The following PCLO variants were observed in gnomAD, a reference collection of about 807,000 sequenced individuals.
PCLO encodes the protein protein piccolo.
Under a neutral mutation model 427.5 loss-of-function variants are expected in PCLO, and 82 were observed. That is an observed-to-expected ratio of 0.19 (90% CI 0.16 to 0.23). The LOEUF is 0.23. PCLO is among the 10% of genes least tolerant of loss of function. PCLO has a pLI of 1.00. For missense variants in PCLO, 6,239 were observed against 6,115.9 expected, an observed-to-expected ratio of 1.02 and a Z score of -0.67; for synonymous variants, 2,357 against 2,155.4, an observed-to-expected ratio of 1.09 and a Z score of -2.59.
At chr7:83,082,978 A>AT (rs1317490253) in intron 3 of PCLO, among the ~76,000 whole-genome samples, 5 of 151,972 alleles carry the variant, frequency 3.3e-5, no homozygotes, top group African/African-American at 1.2e-4. Flanking sequence ...AGATTGATGC[A>AT]TTTTGTGTAT....
chr7:83,062,398 C>CTAA (rs1789563451), intron 3 of PCLO, among the ~76,000 whole-genome samples: 1 of 152,088 alleles, frequency 6.6e-6, no homozygotes, highest in Non-Finnish European at 1.5e-5. Flanking sequence ...AGGGAAGGAG[C>CTAA]TAATCATTTG....
At chr7:82,875,367 T>C (rs1793344018) in intron 10 of PCLO, among the ~76,000 whole-genome samples, 1 of 152,118 alleles carries the variant, frequency 6.6e-6, no homozygotes, top group East Asian at 1.9e-4. Context: ...TAATTATTCC[T>C]AATTCTCTAA....
chr7:82,819,536 AAGGTGAG>A (rs1186964543), intron 20 of PCLO, among the ~76,000 whole-genome samples: 1 of 152,160 alleles, frequency 6.6e-6, no homozygotes, highest in African/African-American at 2.4e-5. Context: ...GATGGAAGAA[AAGGTGAG>A]AGGTGGAATT....
chr7:82,912,878 C>T (rs1215562902), intron 7 of PCLO, among the ~76,000 whole-genome samples: 1 of 152,000 alleles, frequency 6.6e-6, no homozygotes, highest in Admixed American at 6.6e-5. Flanking sequence ...GATATATGCT[C>T]ATGATGTACA....
chr7:82,766,135 T>C (rs112941225), intron 22 of PCLO, among the ~76,000 whole-genome samples: 13 of 152,158 alleles, frequency 8.5e-5, no homozygotes, highest in African/African-American at 3.1e-4. Flanking sequence ...CTTAGGGAAG[T>C]AGATGAACAA....
intron 3 of PCLO, among the ~76,000 whole-genome samples, chr7:82,997,119 T>C (rs1248440629): frequency 6.6e-6 from 1 of 151,914 alleles, no homozygotes; most frequent in African/African-American, 2.4e-5. Context: ...ATCACTACAC[T>C]TCAATGGATA....
intron 3 of PCLO, among the ~76,000 whole-genome samples, chr7:83,080,912 GCAA>G (rs1484704719): frequency 6.6e-6 from 1 of 151,544 alleles, no homozygotes; most frequent in Non-Finnish European, 1.5e-5. Context: ...TAAGAGATTA[GCAA>G]CAATAACTAA....
At chr7:83,075,419 G>A (rs1160234977) in intron 3 of PCLO, among the ~76,000 whole-genome samples, 1 of 151,942 alleles carries the variant, frequency 6.6e-6, no homozygotes, top group African/African-American at 2.4e-5. Context: ...CTTTTGTTTC[G>A]CACTTTCACC....
intron 2 of PCLO, among the ~76,000 whole-genome samples, chr7:83,141,627 C>T (rs1468858388): frequency 6.6e-6 from 1 of 152,176 alleles, no homozygotes; most frequent in African/African-American, 2.4e-5. Flanking sequence ...ACACTGCTGT[C>T]TGCTTAATTC....
At chr7:82,871,603 T>G (rs1217990866) in intron 10 of PCLO, among the ~76,000 whole-genome samples, 1 of 151,948 alleles carries the variant, frequency 6.6e-6, no homozygotes, top group Non-Finnish European at 1.5e-5. Context: ...AGGAAAGATT[T>G]TAAGTGTTCC....
intron 22 of PCLO, among the ~76,000 whole-genome samples, chr7:82,797,442 A>C (rs1303715196): frequency 6.6e-6 from 1 of 152,152 alleles, no homozygotes; most frequent in Non-Finnish European, 1.5e-5. Flanking sequence ...TAAATTGGGA[A>C]AACACTCATC....
At chr7:82,796,702 A>G (rs964129474) in intron 22 of PCLO, among the ~76,000 whole-genome samples, 1 of 150,618 alleles carries the variant, frequency 6.6e-6, no homozygotes, top group Non-Finnish European at 1.5e-5. Context: ...GATGATTGTT[A>G]AAATATACAA....
chr7:82,897,014 T>A (rs1435817686), intron 9 of PCLO, among the ~76,000 whole-genome samples: 1 of 151,700 alleles, frequency 6.6e-6, no homozygotes, highest in East Asian at 1.9e-4. Context: ...GATGGAGTTT[T>A]AAATAAGAAA....
rs2116447164 is a variant in PCLO, at chr7:82,954,655, T to C, written c.6298A>G (p.Arg2100Gly). Reference protein sequence around the residue: ...DMTESTMDFDRMPDASLTSSV... With the variant: ...DMTESTMDFDGMPDASLTSSV... ...GATGTCAAAGAGGCATCTGGCATTC[T>C]GTCAAAGTCCATGGTGGACTCTGTC... is the stretch of plus-strand genomic sequence containing the variant. Residue 2100 changes from arginine to glycine, a missense_variant, in exon 5 of 25, where the codon AGA (arginine) becomes GGA (glycine). Physicochemically the swap from Arg to Gly is moderately radical, Grantham distance 125. This residue lies in a region of PCLO where 4,677 missense variants were observed against 4,468.4 expected (regional missense o/e 1.05). Coordinates refer to ENST00000333891, the MANE Select transcript of PCLO (RefSeq NM_033026.6). The C allele has an allele frequency of 1.9e-6, 3 of 1,613,966 alleles. No homozygotes were observed. The highest frequency in any genetic ancestry group is 2.5e-6 in the Non-Finnish European group (3 of 1,179,868).
chr7:83,075,735 C>T (rs1316643552), intron 3 of PCLO, among the ~76,000 whole-genome samples: 1 of 152,216 alleles, frequency 6.6e-6, no homozygotes, highest in East Asian at 1.9e-4. Context: ...CACACATACA[C>T]ACACATATAA....
At chr7:82,769,023 G>A (rs1342356744) in intron 22 of PCLO, among the ~76,000 whole-genome samples, 4 of 152,056 alleles carry the variant, frequency 2.6e-5, no homozygotes, top group African/African-American at 7.2e-5. Flanking sequence ...TCGTTAAATG[G>A]CCCTGGCTGA....
chr7:82,954,702 T>G lies in PCLO; in HGVS notation c.6251A>C (p.Gln2084Pro), dbSNP rs753029942. 2 of 1,613,914 alleles carry G rather than the reference T, an allele frequency of 1.2e-6. No homozygotes were observed. The highest frequency in any genetic ancestry group is 2.2e-5 in the East Asian group (1 of 44,866). The change falls in exon 5 of 25, where the codon CAG becomes CCG. Residue 2084 changes from glutamine (Q) to proline (P), a missense_variant. Physicochemically the swap from Gln to Pro is moderately conservative, Grantham distance 76 (BLOSUM62 -1). This residue lies in a region of PCLO where 4,677 missense variants were observed against 4,468.4 expected (regional missense o/e 1.05). Transcript: ENST00000333891. The stretch of plus-strand genomic sequence containing the variant: ...TGTCATATCCTCACCAATGGGGGCC[T>G]GGGTTGGGCTAGATCCAGGTGTTAA... ...MQLTPGSSPT[Q>P]APIGEDMTES...
intron 23 of PCLO, 91 bp from the exon 24 acceptor site, chr7:82,760,875 A>G (rs1790416857): frequency 3.7e-6 from 2 of 543,156 alleles, no homozygotes; most frequent in Non-Finnish European, 6.0e-6. Context: ...TTCTTGTTAC[A>G]TTTTGCACAA....
intron 10 of PCLO, among the ~76,000 whole-genome samples, chr7:82,858,586 T>C (rs1584059379): frequency 6.6e-6 from 1 of 152,102 alleles, no homozygotes; most frequent in Non-Finnish European, 1.5e-5. Flanking sequence ...TTATAATTAA[T>C]AAACAAATTC....
Sources: gnomAD v4.1 joint callset for allele counts (sites outside exome capture counted in the v4.1 genomes callset) on GRCh38, gnomAD v4.1.1 for gene constraint, gnomAD v4.1.1 regional missense constraint, MANE v1.5 for transcripts, NCBI Gene and HGNC (gene_info 2026-07-23, HGNC 2026-07-21) for gene names.